TMEM135: variants seen among roughly 807,000 people sequenced by gnomAD.
TMEM135 encodes the protein transmembrane protein 135, also known as peroxisomal membrane protein 52.
In TMEM135, 30 loss-of-function variants were observed where a neutral mutation model predicts 60.3. That is an observed-to-expected ratio of 0.50 (90% CI 0.37 to 0.68). The LOEUF is 0.68. Ranked by LOEUF, TMEM135 falls within the 30% of genes least tolerant of loss-of-function variation. The pLI, the probability that TMEM135 is intolerant of heterozygous loss-of-function variation, is 0.00. For synonymous variants in TMEM135, 190 were observed against 186.7 expected, an observed-to-expected ratio of 1.02 and a Z score of -0.14; for missense variants, 468 against 548.8, an observed-to-expected ratio of 0.85 and a Z score of 1.47.
chr11:87,103,616 G>A (rs2135187772), intron 4 of TMEM135, among the ~76,000 whole-genome samples: 1 of 151,222 alleles, frequency 6.6e-6, no homozygotes, highest in South Asian at 2.1e-4. Context: ...TTTATCAGAT[G>A]TATAATTTGC....
intron 5 of TMEM135, among the ~76,000 whole-genome samples, chr11:87,174,680 A>G (rs764464045): frequency 2.0e-5 from 3 of 152,178 alleles, no homozygotes; most frequent in Admixed American, 1.3e-4. Context: ...GTAAGTCCTC[A>G]CGTCATGTCA....
intron 6 of TMEM135, among the ~76,000 whole-genome samples, chr11:87,290,314 A>T (rs1942242446): frequency 6.6e-6 from 1 of 152,216 alleles, no homozygotes; most frequent in Non-Finnish European, 1.5e-5. Flanking sequence ...AACATCACCC[A>T]TCATTAAAAG....
chr11:87,181,950 G>A (rs1286144038), intron 5 of TMEM135, among the ~76,000 whole-genome samples: 1 of 150,050 alleles, frequency 6.7e-6, no homozygotes, highest in East Asian at 2.0e-4. Flanking sequence ...TTGAATGAGG[G>A]TGGCTTTTTT....
At chr11:87,161,151 G>A (rs1337240597) in intron 5 of TMEM135, among the ~76,000 whole-genome samples, 3 of 152,162 alleles carry the variant, frequency 2.0e-5, no homozygotes, top group East Asian at 1.9e-4. Flanking sequence ...GCCCTCTTCC[G>A]CCTCCCAAAG....
chr11:87,294,617 A>G (rs1942318377), intron 6 of TMEM135, among the ~76,000 whole-genome samples: 1 of 152,194 alleles, frequency 6.6e-6, no homozygotes, highest in African/African-American at 2.4e-5. Flanking sequence ...TCCTAATCTC[A>G]GGTGATCCGC....
At chr11:87,191,985 T>TTA (rs1939813398) in intron 5 of TMEM135, among the ~76,000 whole-genome samples, 1 of 122,042 alleles carries the variant, frequency 8.2e-6, no homozygotes, top group Non-Finnish European at 1.6e-5. Context: ...TTCTTTTCTT[T>TTA]TCTTTTTTTT....
chr11:87,140,929 A>G (rs1294870648), intron 4 of TMEM135, among the ~76,000 whole-genome samples: 4 of 152,190 alleles, frequency 2.6e-5, no homozygotes, highest in Non-Finnish European at 5.9e-5. Context: ...TAGAAAATCA[A>G]TTGGACATAT....
rs1468453751 is a variant in TMEM135 at position 87,312,171 on chromosome 11, C to G, written c.937-1254C>G. ...TGTATTTGTTCCTTTTTTTCTTCCT[C>G]TTTTTTTTTTTTTCTTTTTCAGCCT... On this transcript the variant is annotated intron_variant, in intron 10 of 14. Coordinates refer to ENST00000305494, the MANE Select transcript of TMEM135 (RefSeq NM_022918.4). 2.2e-5 allele frequency among the ~76,000 whole-genome samples: 3 copies of G among 138,974 alleles called. No homozygotes were observed. The South Asian group carries it at 6.7e-4, about 31-fold the overall frequency. 91.2% of individuals were successfully genotyped at this position (138,974 alleles called of 152,430 possible).
intron 6 of TMEM135, among the ~76,000 whole-genome samples, chr11:87,244,977 T>A (rs989943205): frequency 6.6e-6 from 1 of 151,824 alleles, no homozygotes; most frequent in African/African-American, 2.4e-5. Flanking sequence ...TGTTTTCTCT[T>A]GTGGGCATTT....
chr11:87,157,539 T>C (rs989411846), intron 5 of TMEM135, 133 bp downstream of exon 5: 2 of 740,820 alleles, frequency 2.7e-6, no homozygotes, highest in Non-Finnish European at 4.5e-6. Context: ...ATATTGAGTG[T>C]ACCTGATGAA....
At position 87,091,258 on chromosome 11, in the gene TMEM135, T is replaced by C. The variant is rs906648843; in HGVS notation, c.363-104T>C. On this transcript the variant is annotated intron_variant, in intron 3 of 14. Coordinates refer to ENST00000305494, the MANE Select transcript of TMEM135 (RefSeq NM_022918.4). ...TTTTTCTAAGATACCAGTACGTTTC[T>C]CAATTTCTGAGAATATAATTCTTTT... 8 of 1,066,606 alleles carry C rather than the reference T, an allele frequency of 7.5e-6. No homozygotes were observed. The African/African-American group carries it at 1.3e-4, about 17-fold the overall frequency. 66.1% of individuals were successfully genotyped at this position (1,066,606 alleles called of 1,614,324 possible).
intron 4 of TMEM135, among the ~76,000 whole-genome samples, chr11:87,100,569 A>G (rs895554909): frequency 1.3e-5 from 2 of 152,092 alleles, no homozygotes; most frequent in African/African-American, 2.4e-5. Flanking sequence ...GTTTTTTGGT[A>G]TGTGTTTCTG....
chr11:87,115,211 C>T (rs1045123395), intron 4 of TMEM135, among the ~76,000 whole-genome samples: 1 of 152,010 alleles, frequency 6.6e-6, no homozygotes, highest in African/African-American at 2.4e-5. Context: ...TCTCTGCTAT[C>T]CATTATTTTG....
intron 9 of TMEM135, among the ~76,000 whole-genome samples, chr11:87,306,290 CAT>C (rs941885208): frequency 1.2e-4 from 18 of 152,054 alleles, no homozygotes; most frequent in Admixed American, 6.6e-5. Context: ...AACAAGGAAA[CAT>C]AAAGTCATTA....
chr11:87,166,968 A>G (rs1018028271), intron 5 of TMEM135, among the ~76,000 whole-genome samples: 10 of 151,918 alleles, frequency 6.6e-5, no homozygotes, highest in African/African-American at 2.4e-4. Flanking sequence ...CGTTTGTGTC[A>G]TCTCTTATTT....
rs1412543069 is a variant in TMEM135, at chr11:87,323,286, TG to T, written c.*1954del. The T allele has an allele frequency of 2.2e-6, 1 of 453,922 alleles. No individual in the cohort carries two copies. The highest frequency in any genetic ancestry group is 4.4e-6 in the Non-Finnish European group (1 of 226,710). The allele number at this position is 453,922 out of a possible 1,614,324, so 28.1% of individuals were successfully genotyped here. ...AAAATGTAAAATGAAATAGCTATCA[TG>T]AAGCAGAATACAATGATGAATGTAT... On this transcript the variant is annotated 3_prime_UTR_variant, in exon 15 of 15. Coordinates refer to ENST00000305494, the MANE Select transcript of TMEM135 (RefSeq NM_022918.4).
chr11:87,274,319 G>A (rs1253929329), intron 6 of TMEM135, among the ~76,000 whole-genome samples: 3 of 152,142 alleles, frequency 2.0e-5, no homozygotes, highest in Admixed American at 6.5e-5. Flanking sequence ...CTTTCAAGGC[G>A]AAATCCAGAC....
intron 7 of TMEM135, among the ~76,000 whole-genome samples, chr11:87,298,742 A>G (rs1942390560): frequency 7.4e-6 from 1 of 135,158 alleles, no homozygotes; most frequent in African/African-American, 2.8e-5. Context: ...AGCTTTGATC[A>G]TGCCACTGCA....
chr11:87,318,539 C>T (rs1185085632), intron 13 of TMEM135, among the ~76,000 whole-genome samples: 5 of 151,028 alleles, frequency 3.3e-5, no homozygotes, highest in Non-Finnish European at 1.5e-5. Flanking sequence ...AATTATCCTT[C>T]CCTTTGATTA....
Sources: allele counts gnomAD v4.1 joint callset (sites outside exome capture counted in the v4.1 genomes callset), GRCh38; gene constraint gnomAD v4.1.1; transcripts MANE v1.5; gene names NCBI Gene and HGNC (gene_info 2026-07-23, HGNC 2026-07-21).